RNASEH2B: variants seen among roughly 807,000 people sequenced by gnomAD.
RNASEH2B encodes Aicardi-Goutieres syndrome 2 protein.
Under a neutral mutation model 45.0 loss-of-function variants are expected in RNASEH2B, and 36 were observed. The ratio of observed to expected loss-of-function variants is 0.80; its 90% CI spans 0.61 to 1.06. RNASEH2B has a LOEUF of 1.06. Among genes scored for constraint, RNASEH2B ranks in the 50% least tolerant of loss-of-function variants. RNASEH2B has a pLI of 0.00. For missense variants in RNASEH2B, 361 were observed against 360.3 expected, an observed-to-expected ratio of 1.00 and a Z score of -0.02; for synonymous variants, 119 against 125.7, an observed-to-expected ratio of 0.95 and a Z score of 0.35.
chr13:50,967,899 A>G (rs1337396836), intron 9 of RNASEH2B, among the ~76,000 whole-genome samples: 3 of 152,166 alleles, frequency 2.0e-5, no homozygotes, highest in African/African-American at 4.8e-5. Context: ...TAGAGAAGCA[A>G]GTGGGAGGGT....
At chr13:50,930,798 G>A in intron 4 of RNASEH2B, 39 bp downstream of exon 4, 2 of 1,456,496 alleles carry the variant, frequency 1.4e-6, no homozygotes, top group Non-Finnish European at 1.9e-6. Flanking sequence ...TGAGGAAACA[G>A]AATCAACTAT....
chr13:50,930,959 G>A (rs902793977), intron 4 of RNASEH2B, 200 bp downstream of exon 4: 1 of 587,664 alleles, frequency 1.7e-6, no homozygotes, highest in Non-Finnish European at 3.1e-6. Flanking sequence ...CCTTACTCTT[G>A]ATCCAGTCTG....
At chr13:50,916,896 G>A (rs893019377) in intron 1 of RNASEH2B, among the ~76,000 whole-genome samples, 8 of 152,132 alleles carry the variant, frequency 5.3e-5, no homozygotes, top group African/African-American at 1.9e-4. Context: ...TAGGACATCT[G>A]GCCCTAGGGT....
At position 50,956,608 on chromosome 13, in the gene RNASEH2B, A is replaced by G. The variant is rs1952054901; in HGVS notation, c.*134A>G. The G allele has an allele frequency of 2.7e-6, 4 of 1,474,724 alleles. No individual in the cohort carries two copies. Among genetic ancestry groups the G allele is most frequent in the Non-Finnish European group, 2.7e-6 (3 of 1,109,430 alleles). The allele number at this position is 1,474,724 out of a possible 1,614,324, so 91.4% of individuals were successfully genotyped here. On this transcript the variant is annotated 3_prime_UTR_variant, in exon 11 of 11. Coordinates refer to ENST00000336617, the MANE Select transcript of RNASEH2B (RefSeq NM_024570.4). The stretch of plus-strand genomic sequence containing the variant: ...CATGTTCTCTTAAACATTTCTTTGC[A>G]TTTGGTTTTTGTGTTCCTGAACAAA...
In RNASEH2B at chr13:50,930,672, G is replaced by C; in HGVS notation, c.245-11G>C. 6.3e-7 allele frequency: 1 copy of C among 1,599,224 alleles called. No individual in the cohort carries two copies. Among genetic ancestry groups the C allele is most frequent in the Non-Finnish European group, 8.6e-7 (1 of 1,166,618 alleles). ...ACGTTTAATTCCCTTCATCCTTTTT[G>C]TAATCTGCAGGAGGTCTTCTCCATT... On this transcript the variant is annotated splice_polypyrimidine_tract_variant and intron_variant, in intron 3 of 10. Coordinates refer to ENST00000336617, the MANE Select transcript of RNASEH2B (RefSeq NM_024570.4).
intron 4 of RNASEH2B, among the ~76,000 whole-genome samples, chr13:50,933,281 T>G (rs1052798477): frequency 6.6e-6 from 1 of 152,216 alleles, no homozygotes; most frequent in African/African-American, 2.4e-5. Context: ...ACCATGACTC[T>G]GGGGGATTAA....
chr13:50,925,690 C>T (rs1410291459), intron 1 of RNASEH2B, among the ~76,000 whole-genome samples: 1 of 152,150 alleles, frequency 6.6e-6, no homozygotes, highest in African/African-American at 2.4e-5. Context: ...GTACTGCTCC[C>T]TCGAATCTGT....
intron 4 of RNASEH2B, among the ~76,000 whole-genome samples, chr13:50,931,169 C>T (rs540376433): frequency 1.6e-4 from 25 of 152,202 alleles, no homozygotes; most frequent in Middle Eastern, 6.8e-3. Flanking sequence ...TAAACTGGAG[C>T]GGGTCCAATA....
intron 1 of RNASEH2B, among the ~76,000 whole-genome samples, chr13:50,926,216 A>G (rs1951593549): frequency 6.6e-6 from 1 of 152,096 alleles, no homozygotes; most frequent in South Asian, 2.1e-4. Flanking sequence ...GTCGTATTTT[A>G]ACCATTCATG....
chr13:50,969,158 G>C (rs574414806), intron 9 of RNASEH2B, among the ~76,000 whole-genome samples: 10 of 152,306 alleles, frequency 6.6e-5, no homozygotes, highest in Admixed American at 6.5e-4. Flanking sequence ...CCATTCTAGA[G>C]CGAGTAGACA....
intron 9 of RNASEH2B, chr13:50,951,967 C>T (rs543906806): frequency 6.6e-6 from 1 of 152,234 alleles, no homozygotes; most frequent in African/African-American, 2.4e-5. Flanking sequence ...ATCTTAAGTT[C>T]TTGTAATGAA....
At chr13:50,953,404 A>G (rs1371437946) in intron 9 of RNASEH2B, 1 of 165,832 alleles carries the variant, frequency 6.0e-6, no homozygotes, top group African/African-American at 2.4e-5. Flanking sequence ...TCCCTCTCTT[A>G]CTGGCTGCTT....
At chr13:50,927,771 T>G (rs1166342579) in intron 2 of RNASEH2B, among the ~76,000 whole-genome samples, 1 of 152,220 alleles carries the variant, frequency 6.6e-6, no homozygotes, top group Non-Finnish European at 1.5e-5. Flanking sequence ...CAGATTAATT[T>G]TCTTTGGCTT....
chr13:50,943,184 T>A, intron 5 of RNASEH2B, 137 bp from the exon 6 acceptor site: 1 of 646,008 alleles, frequency 1.5e-6, no homozygotes, highest in Non-Finnish European at 2.7e-6. Flanking sequence ...TCAAGTATGT[T>A]CTCAGGTTTG....
chr13:50,924,847 A>T (rs1284694704), intron 1 of RNASEH2B, among the ~76,000 whole-genome samples: 1 of 152,178 alleles, frequency 6.6e-6, no homozygotes, highest in Non-Finnish European at 1.5e-5. Flanking sequence ...ATGCCCAGCC[A>T]AGATTTTCTT....
intron 1 of RNASEH2B, among the ~76,000 whole-genome samples, chr13:50,922,681 T>C (rs1469383560): frequency 6.6e-6 from 1 of 151,340 alleles, no homozygotes; most frequent in Non-Finnish European, 1.5e-5. Context: ...TCCTGGGGAG[T>C]TGGGAGAGGA....
At chr13:50,920,644 T>TA (rs1951512657) in intron 1 of RNASEH2B, among the ~76,000 whole-genome samples, 1 of 152,138 alleles carries the variant, frequency 6.6e-6, no homozygotes. Context: ...GAGAAAAGAG[T>TA]AAAAAAGACA....
At chr13:50,931,331 A>G (rs573933309) in intron 4 of RNASEH2B, among the ~76,000 whole-genome samples, 8 of 152,340 alleles carry the variant, frequency 5.3e-5, no homozygotes, top group African/African-American at 1.9e-4. Flanking sequence ...TACATTTACA[A>G]TTAAAATTAT....
chr13:50,948,180 C>T, intron 8 of RNASEH2B, 112 bp downstream of exon 8: 2 of 1,530,116 alleles, frequency 1.3e-6, no homozygotes, highest in Admixed American at 1.8e-5. Context: ...CAAGATTATT[C>T]TTCAGCTATG....
Sources: gnomAD v4.1 joint callset for allele counts (sites outside exome capture counted in the v4.1 genomes callset) on GRCh38, gnomAD v4.1.1 for gene constraint, MANE v1.5 for transcripts, NCBI Gene and HGNC (gene_info 2026-07-23, HGNC 2026-07-21) for gene names.